ZBTB7C: variants seen among roughly 807,000 people sequenced by gnomAD.
The protein encoded by ZBTB7C is zinc finger and BTB domain containing 7C, also known as zinc finger and BTB domain-containing protein 7C.
ZBTB7C carries 8 observed loss-of-function variants against 25.7 expected under a neutral mutation model. The observed-to-expected ratio is 0.31, with a 90% CI of 0.18 to 0.56. ZBTB7C has a LOEUF of 0.56. Ranked by LOEUF, ZBTB7C falls within the 20% of genes least tolerant of loss-of-function variation. The pLI is 0.91. For synonymous variants in ZBTB7C, 394 were observed against 369.0 expected (o/e 1.07, Z -0.78); for missense variants, 824 against 855.2 (o/e 0.96, Z 0.46).
chr18:48,146,988 C>T (rs1027548114), intron 3 of ZBTB7C, among the ~76,000 whole-genome samples: 4 of 152,170 alleles, frequency 2.6e-5, no homozygotes, highest in African/African-American at 9.6e-5. Flanking sequence ...AACTACACAC[C>T]AGATTACTTT....
At chr18:48,227,097 T>G (rs563833904) in intron 2 of ZBTB7C, among the ~76,000 whole-genome samples, 23 of 151,526 alleles carry the variant, frequency 1.5e-4, no homozygotes, top group African/African-American at 5.1e-4. Flanking sequence ...TAAAGCACAG[T>G]TGCAGCCTCT....
intron 3 of ZBTB7C, among the ~76,000 whole-genome samples, chr18:48,090,916 G>C: frequency 6.6e-6 from 1 of 152,082 alleles, no homozygotes; most frequent in Non-Finnish European, 1.5e-5. Context: ...TCTTTGTGCA[G>C]CTTCTCTCTC....
At chr18:48,171,231 C>T (rs2041468157) in intron 3 of ZBTB7C, among the ~76,000 whole-genome samples, 1 of 152,210 alleles carries the variant, frequency 6.6e-6, no homozygotes. Flanking sequence ...CAAAGCCCAG[C>T]TTGTGGCTTC....
At chr18:48,118,984 C>A (rs2039536841) in intron 3 of ZBTB7C, among the ~76,000 whole-genome samples, 1 of 151,920 alleles carries the variant, frequency 6.6e-6, no homozygotes, top group African/African-American at 2.4e-5. Context: ...CCTAAATTTT[C>A]TATAATAAAT....
At chr18:48,393,834 C>T (rs1423541341) in intron 1 of ZBTB7C, among the ~76,000 whole-genome samples, 1 of 152,198 alleles carries the variant, frequency 6.6e-6, no homozygotes, top group Admixed American at 6.5e-5. Flanking sequence ...TCTTTGCTTT[C>T]AGGAAGACGA....
intron 3 of ZBTB7C, chr18:48,162,315 A>G (rs571874947): frequency 4.0e-5 from 18 of 453,766 alleles, no homozygotes; most frequent in Admixed American, 7.1e-5. Flanking sequence ...TCCACCTCAG[A>G]GGCAGGGCCG....
At chr18:48,379,551 T>C (rs565672447) in intron 1 of ZBTB7C, among the ~76,000 whole-genome samples, 1 of 152,152 alleles carries the variant, frequency 6.6e-6, no homozygotes, top group Non-Finnish European at 1.5e-5. Flanking sequence ...TCTATTTTTA[T>C]CAGTTGTGCT....
At chr18:48,178,925 C>G (rs77215860) in intron 3 of ZBTB7C, among the ~76,000 whole-genome samples, 2,137 of 152,292 alleles carry the variant, frequency 0.014, 53 homozygotes, top group African/African-American at 0.05. Context: ...ACCTCTCCCC[C>G]ACCAAGGGTG....
At chr18:48,154,402 C>A (rs1468855893) in intron 3 of ZBTB7C, among the ~76,000 whole-genome samples, 1 of 152,170 alleles carries the variant, frequency 6.6e-6, no homozygotes. Context: ...AAGGCCCGAG[C>A]TGTAACCAGG....
intron 3 of ZBTB7C, among the ~76,000 whole-genome samples, chr18:48,155,138 C>T (rs2040797913): frequency 6.6e-6 from 1 of 152,126 alleles, no homozygotes; most frequent in East Asian, 1.9e-4. Context: ...CAAATAGGCC[C>T]CATGTGACAT....
intron 2 of ZBTB7C, among the ~76,000 whole-genome samples, chr18:48,219,752 A>G (rs568443363): frequency 6.6e-6 from 1 of 152,350 alleles, no homozygotes; most frequent in East Asian, 1.9e-4. Context: ...TGCATCTCGC[A>G]TCCTTGGCCA....
chr18:48,347,843 G>T (rs958118460), intron 1 of ZBTB7C, among the ~76,000 whole-genome samples: 1 of 152,338 alleles, frequency 6.6e-6, no homozygotes, highest in East Asian at 1.9e-4. Context: ...TGGAAGGGAG[G>T]TTCTGGGGAT....
intron 3 of ZBTB7C, among the ~76,000 whole-genome samples, chr18:48,125,077 A>C (rs1005645115): frequency 3.3e-5 from 5 of 152,180 alleles, no homozygotes; most frequent in Admixed American, 6.5e-5. Flanking sequence ...TGAGTCAAAA[A>C]CTACTTTCAA....
chr18:48,322,621 G>A lies in ZBTB7C; in HGVS notation c.-79+15553C>T, dbSNP rs558487983. On this transcript the variant is annotated intron_variant, in intron 2 of 4. Coordinates refer to ENST00000590800, the MANE Select transcript of ZBTB7C (RefSeq NM_001318841.2). The stretch of plus-strand genomic sequence containing the variant: ...GGGAATGTAAACTAGCGCAACCACT[G>A]TGGAAAACGGTGTGGAGATTCCTTA... Among the ~76,000 whole-genome samples, 5 of 152,344 alleles carry A rather than the reference G, an allele frequency of 3.3e-5. No homozygotes were observed. The South Asian group carries it at 1.0e-3, about 32-fold the overall frequency.
chr18:48,078,517 G>A (rs1206511401), intron 3 of ZBTB7C, among the ~76,000 whole-genome samples: 2 of 152,174 alleles, frequency 1.3e-5, no homozygotes, highest in Non-Finnish European at 2.9e-5. Flanking sequence ...GGTGCAGCAG[G>A]CCCAGCATAA....
intron 2 of ZBTB7C, among the ~76,000 whole-genome samples, chr18:48,257,706 G>T (rs1337600293): frequency 6.6e-6 from 1 of 151,890 alleles, no homozygotes; most frequent in Non-Finnish European, 1.5e-5. Context: ...TAAAATATCA[G>T]GACTAAGTGG....
chr18:48,065,337 A>T (rs12604889), intron 3 of ZBTB7C, among the ~76,000 whole-genome samples: 25,527 of 149,168 alleles, frequency 0.17, 2,306 homozygotes, highest in East Asian at 0.27. Context: ...TCTCTCTCTC[A>T]CACACACACA....
intron 3 of ZBTB7C, among the ~76,000 whole-genome samples, chr18:48,121,720 G>A (rs1215739184): frequency 6.6e-6 from 1 of 152,236 alleles, no homozygotes; most frequent in African/African-American, 2.4e-5. Context: ...GATGGTGTGA[G>A]CCATCACCTG....
intron 3 of ZBTB7C, among the ~76,000 whole-genome samples, chr18:48,050,309 G>A (rs897646477): frequency 1.3e-5 from 2 of 152,180 alleles, no homozygotes; most frequent in East Asian, 1.9e-4. Flanking sequence ...ATGCCCCTGG[G>A]CCTTGGCTGC....
Sources: allele counts gnomAD v4.1 joint callset (sites outside exome capture counted in the v4.1 genomes callset), GRCh38; gene constraint gnomAD v4.1.1; transcripts MANE v1.5; gene names NCBI Gene and HGNC (gene_info 2026-07-23, HGNC 2026-07-21).